The following LRRC7 variants were observed in gnomAD, a reference collection of about 807,000 sequenced individuals.
LRRC7 encodes leucine-rich repeat-containing protein 7.
A neutral mutation model predicts 175.7 loss-of-function variants in LRRC7; 23 were observed. The ratio of observed to expected loss-of-function variants is 0.13; its 90% CI spans 0.09 to 0.19. The LOEUF (loss-of-function observed/expected upper bound fraction) is 0.19, where lower values mean the gene tolerates loss of function less well. Ranked by LOEUF, LRRC7 falls within the 10% of genes least tolerant of loss-of-function variation. The pLI is 1.00. For missense variants in LRRC7, 1,354 were observed against 1,904.7 expected, an observed-to-expected ratio of 0.71 and a Z score of 5.38; for synonymous variants, 685 against 680.9, an observed-to-expected ratio of 1.01 and a Z score of -0.09.
At chr1:69,796,677 C>A (rs1675813054) in intron 4 of LRRC7, among the ~76,000 whole-genome samples, 2 of 152,016 alleles carry the variant, frequency 1.3e-5, no homozygotes, top group African/African-American at 4.8e-5. Flanking sequence ...GCCTATAATC[C>A]CATCTACTTG....
intron 1 of LRRC7, among the ~76,000 whole-genome samples, chr1:69,652,249 C>A (rs1039217105): frequency 4.6e-5 from 3 of 65,420 alleles, no homozygotes; most frequent in African/African-American, 2.3e-4. Flanking sequence ...ACGTAGAAAA[C>A]CCTATTCACA....
At chr1:69,879,971 T>C (rs1420172312) in intron 7 of LRRC7, 1 of 152,170 alleles carries the variant, frequency 6.6e-6, no homozygotes, top group Non-Finnish European at 1.5e-5. Context: ...CAAGGAGCTA[T>C]TTTACCACCC....
intron 22 of LRRC7, among the ~76,000 whole-genome samples, chr1:70,049,836 G>C (rs1205905173): frequency 6.6e-6 from 1 of 152,034 alleles, no homozygotes; most frequent in Non-Finnish European, 1.5e-5. Context: ...CTTTGGGGGA[G>C]ATTGTTTTTA....
At chr1:69,703,606 T>G (rs1490553060) in intron 2 of LRRC7, among the ~76,000 whole-genome samples, 1 of 152,032 alleles carries the variant, frequency 6.6e-6, no homozygotes, top group Non-Finnish European at 1.5e-5. Flanking sequence ...TATATATCTA[T>G]TCTAAGAACA....
chr1:69,935,483 A>G (rs376806948), intron 8 of LRRC7, among the ~76,000 whole-genome samples: 2 of 152,194 alleles, frequency 1.3e-5, no homozygotes, highest in East Asian at 1.9e-4. Flanking sequence ...GCATTGTAAT[A>G]TATAACCTTT....
At chr1:69,690,021 A>G (rs1570368735) in intron 2 of LRRC7, among the ~76,000 whole-genome samples, 5 of 152,216 alleles carry the variant, frequency 3.3e-5, no homozygotes. Flanking sequence ...GAAGCATTTT[A>G]GTTATATGTA....
At chr1:69,893,819 CT>C (rs5774996) in intron 7 of LRRC7, among the ~76,000 whole-genome samples, 62,564 of 150,642 alleles carry the variant, frequency 0.42, 13,681 homozygotes, top group East Asian at 0.55. Context: ...GAAAACCAAA[CT>C]TTTTTTTTTA....
chr1:69,753,317 T>TGC (rs1015752061), intron 2 of LRRC7, among the ~76,000 whole-genome samples: 1 of 151,410 alleles, frequency 6.6e-6, no homozygotes, highest in African/African-American at 2.4e-5. Flanking sequence ...TGTGTGTGTG[T>TGC]GTGTGTGTTA....
intron 24 of LRRC7, among the ~76,000 whole-genome samples, chr1:70,089,139 A>G (rs1311289415): frequency 1.3e-5 from 2 of 152,108 alleles, no homozygotes; most frequent in Non-Finnish European, 2.9e-5. Context: ...GCTAGACTTG[A>G]AACTCTTCAC....
chr1:69,710,278 C>CAAAAA (rs77553066), intron 2 of LRRC7, among the ~76,000 whole-genome samples: 17 of 86,546 alleles, frequency 2.0e-4, no homozygotes, highest in South Asian at 1.4e-3. Flanking sequence ...GACTCCGTCT[C>CAAAAA]AAAAAAAAAA....
chr1:69,764,750 T>TAGAG (rs914687490), intron 3 of LRRC7, among the ~76,000 whole-genome samples: 1 of 146,160 alleles, frequency 6.8e-6, no homozygotes, highest in African/African-American at 2.7e-5. Context: ...GATAGATAGA[T>TAGAG]AGATAGATAG....
At chr1:69,823,095 T>G (rs1679488794) in intron 4 of LRRC7, among the ~76,000 whole-genome samples, 1 of 152,214 alleles carries the variant, frequency 6.6e-6, no homozygotes, top group Non-Finnish European at 1.5e-5. Context: ...ATTTTGATCC[T>G]TTGTGTGAAA....
intron 2 of LRRC7, among the ~76,000 whole-genome samples, chr1:69,711,476 C>A (rs1664744703): frequency 6.6e-6 from 1 of 152,136 alleles, no homozygotes; most frequent in Admixed American, 6.5e-5. Context: ...TTTCAAATCC[C>A]CTGAATTTTT....
chr1:69,674,706 T>C (rs1659546133), intron 1 of LRRC7, among the ~76,000 whole-genome samples: 1 of 152,098 alleles, frequency 6.6e-6, no homozygotes, highest in South Asian at 2.1e-4. Context: ...TATATTTAAT[T>C]AAGTTCTTCA....
At chr1:69,723,784 C>T (rs1009962946) in intron 2 of LRRC7, among the ~76,000 whole-genome samples, 6 of 152,036 alleles carry the variant, frequency 3.9e-5, no homozygotes, top group African/African-American at 9.7e-5. Context: ...CCTTCTTCAT[C>T]GGCAGCTGTG....
In LRRC7 at chr1:69,751,802, C is replaced by T. The variant is rs183201717; in HGVS notation, c.101-8389C>T. On this transcript the variant is annotated intron_variant, in intron 2 of 26. Transcript: ENST00000651989. ...GCTGTTCTTAGAGGAACTAATTTGC[C>T]GTAAGTAGAACTTAAAATATGTAAT... Among the ~76,000 whole-genome samples the T allele has an allele frequency of 4.5e-4, 68 of 152,156 alleles. No homozygotes were observed. In the Middle Eastern group the frequency reaches 0.01, roughly 23 times the overall value.
intron 8 of LRRC7, among the ~76,000 whole-genome samples, chr1:69,953,097 C>T (rs1009101097): frequency 2.0e-5 from 3 of 151,550 alleles, no homozygotes; most frequent in Non-Finnish European, 4.4e-5. Context: ...TAAGATCTGG[C>T]CCAGTTTACC....
chr1:69,942,100 T>G (rs913173160), intron 8 of LRRC7, among the ~76,000 whole-genome samples: 11 of 152,126 alleles, frequency 7.2e-5, no homozygotes, highest in African/African-American at 2.4e-4. Context: ...TGCACCTTCA[T>G]GTCCTGATGG....
chr1:70,017,614 T>C (rs1277305180), intron 14 of LRRC7, among the ~76,000 whole-genome samples: 1 of 152,182 alleles, frequency 6.6e-6, no homozygotes, highest in Non-Finnish European at 1.5e-5. Flanking sequence ...AAAGTAGCAT[T>C]ACTGGTACGT....
Sources: allele counts gnomAD v4.1 joint callset (sites outside exome capture counted in the v4.1 genomes callset), GRCh38; gene constraint gnomAD v4.1.1; transcripts MANE v1.5; gene names NCBI Gene and HGNC (gene_info 2026-07-23, HGNC 2026-07-21).